CSGALNACT1: variants seen among roughly 807,000 people sequenced by gnomAD.
The protein encoded by CSGALNACT1 is beta4GalNAcT-1.
Under a neutral mutation model 51.0 loss-of-function variants are expected in CSGALNACT1, and 52 were observed. That is an observed-to-expected ratio of 1.02 (90% CI 0.82 to 1.29). CSGALNACT1 has a LOEUF of 1.29. Ranked by LOEUF, CSGALNACT1 falls within the 50% of genes most tolerant of loss-of-function variation. CSGALNACT1 has a pLI of 0.00. For synonymous variants in CSGALNACT1, 341 were observed against 254.4 expected, an observed-to-expected ratio of 1.34 and a Z score of -3.24; for missense variants, 935 against 679.2, an observed-to-expected ratio of 1.38 and a Z score of -4.19.
chr8:19,746,200 T>C (rs994132263), intron 1 of CSGALNACT1, among the ~76,000 whole-genome samples: 3 of 152,172 alleles, frequency 2.0e-5, no homozygotes, highest in Non-Finnish European at 4.4e-5. Flanking sequence ...TAGTAATATA[T>C]TCCTTTCCTT....
At chr8:19,741,287 G>A (rs114193343) in intron 1 of CSGALNACT1, among the ~76,000 whole-genome samples, 2,152 of 152,096 alleles carry the variant, frequency 0.014, 56 homozygotes, top group African/African-American at 0.049. Flanking sequence ...AGTCTTAGCC[G>A]GGCACAGTGG....
At chr8:19,742,137 T>A (rs1374436394) in intron 1 of CSGALNACT1, among the ~76,000 whole-genome samples, 1 of 152,114 alleles carries the variant, frequency 6.6e-6, no homozygotes, top group East Asian at 1.9e-4. Flanking sequence ...ACAAAACAAC[T>A]GAGACAGCGC....
intron 8 of CSGALNACT1, 97 bp downstream of exon 7, chr8:19,418,559 A>G (rs1165719585): frequency 1.2e-6 from 1 of 825,724 alleles, no homozygotes; most frequent in East Asian, 2.6e-5. Flanking sequence ...GAATCATTGC[A>G]CAGATTTCTA....
At chr8:19,507,282 T>C (rs1356539219) in intron 3 of CSGALNACT1, among the ~76,000 whole-genome samples, 2 of 152,262 alleles carry the variant, frequency 1.3e-5, no homozygotes, top group Admixed American at 6.5e-5. Context: ...CCAGTGTCTA[T>C]GAGGAATTCT....
At chr8:19,618,642 AAAAAAAAAAAAAAAG>A (rs1267426778) in intron 1 of CSGALNACT1, among the ~76,000 whole-genome samples, 60 of 145,156 alleles carry the variant, frequency 4.1e-4, no homozygotes, top group African/African-American at 1.6e-3. Context: ...AAAAAAAAAA[AAAAAAAAAAAAAAAG>A]AAAGAAAGAA....
At chr8:19,541,114 G>A (rs189628177) in intron 3 of CSGALNACT1, among the ~76,000 whole-genome samples, 48 of 151,350 alleles carry the variant, frequency 3.2e-4, no homozygotes, top group Non-Finnish European at 5.3e-4. Context: ...GAGTCTTGCT[G>A]TGTCCCCCAG....
intron 6 of CSGALNACT1, among the ~76,000 whole-genome samples, chr8:19,424,569 T>A (rs1473045708): frequency 6.6e-6 from 1 of 152,178 alleles, no homozygotes; most frequent in African/African-American, 2.4e-5. Flanking sequence ...AGCCTCCTCA[T>A]CTGAAACTTA....
At chr8:19,537,827 C>G (rs1203130705) in intron 3 of CSGALNACT1, among the ~76,000 whole-genome samples, 1 of 152,162 alleles carries the variant, frequency 6.6e-6, no homozygotes, top group Admixed American at 6.5e-5. Flanking sequence ...TCTTTGAGAT[C>G]TAAGAGTAGA....
chr8:19,744,846 T>C (rs550852232), intron 1 of CSGALNACT1, among the ~76,000 whole-genome samples: 55 of 152,336 alleles, frequency 3.6e-4, no homozygotes, highest in African/African-American at 1.2e-3. Flanking sequence ...CTTCTGTGTC[T>C]ACACACTGTA....
chr8:19,582,706 T>A (rs974622672), intron 3 of CSGALNACT1, among the ~76,000 whole-genome samples: 1 of 152,140 alleles, frequency 6.6e-6, no homozygotes, highest in Non-Finnish European at 1.5e-5. Context: ...GACTTTTTTT[T>A]ATCATTGTCT....
intron 3 of CSGALNACT1, among the ~76,000 whole-genome samples, chr8:19,578,109 G>C (rs181060579): frequency 2.0e-5 from 3 of 152,316 alleles, no homozygotes; most frequent in African/African-American, 7.2e-5. Flanking sequence ...TCCAGGCGCA[G>C]GTGGCACCGC....
intron 1 of CSGALNACT1, among the ~76,000 whole-genome samples, chr8:19,630,255 T>TGTGTGTGTG (rs2055062496): frequency 6.6e-6 from 1 of 150,586 alleles, no homozygotes; most frequent in African/African-American, 2.4e-5. Flanking sequence ...TGTGTGTGTG[T>TGTGTGTGTG]TCTAGTAAAA....
chr8:19,485,715 G>C (rs1018873473), intron 4 of CSGALNACT1, among the ~76,000 whole-genome samples: 1 of 129,742 alleles, frequency 7.7e-6, no homozygotes, highest in Non-Finnish European at 1.6e-5. Context: ...GTAAAACATA[G>C]ATTTACTGGG....
chr8:19,469,146 T>C (rs1337718653), intron 4 of CSGALNACT1, among the ~76,000 whole-genome samples: 1 of 152,032 alleles, frequency 6.6e-6, no homozygotes, highest in Non-Finnish European at 1.5e-5. Flanking sequence ...TCCTAGCACT[T>C]TGGGAGGCTG....
chr8:19,415,426 G>C (rs1281541107), intron 8 of CSGALNACT1, among the ~76,000 whole-genome samples: 1 of 152,128 alleles, frequency 6.6e-6, no homozygotes, highest in Non-Finnish European at 1.5e-5. Flanking sequence ...TCAGACTTCT[G>C]TGGTCTAGGA....
intron 5 of CSGALNACT1, among the ~76,000 whole-genome samples, chr8:19,443,650 A>C (rs1281938600): frequency 6.6e-6 from 1 of 152,152 alleles, no homozygotes; most frequent in East Asian, 1.9e-4. Context: ...GAGAAACTGC[A>C]CTCGTGATTC....
At chr8:19,405,896 G>C in exon 10 of CSGALNACT1, 1 of 1,614,120 alleles carries the variant, frequency 6.2e-7, no homozygotes, top group Non-Finnish European at 8.5e-7. Context: ...GCCTTGGACT[G>C]CATGCACATC....
chr8:19,742,186 T>C (rs2064357861), intron 1 of CSGALNACT1, among the ~76,000 whole-genome samples: 1 of 152,198 alleles, frequency 6.6e-6, no homozygotes, highest in African/African-American at 2.4e-5. Context: ...TTTGCTATCA[T>C]TCCCATTTTA....
intron 4 of CSGALNACT1, among the ~76,000 whole-genome samples, chr8:19,499,315 C>T (rs1050758970): frequency 6.6e-6 from 1 of 152,124 alleles, no homozygotes; most frequent in African/African-American, 2.4e-5. Flanking sequence ...AAAGTGTCTG[C>T]ATCTACCACC....
Sources: allele counts gnomAD v4.1 joint callset (sites outside exome capture counted in the v4.1 genomes callset), GRCh38; gene constraint gnomAD v4.1.1; transcripts MANE v1.5; gene names NCBI Gene and HGNC (gene_info 2026-07-23, HGNC 2026-07-21).